The following COPG2 variants were observed in gnomAD, a reference collection of about 807,000 sequenced individuals.
COPG2 encodes the protein coat protein complex I subunit gamma 2, also known as coatomer subunit gamma-2.
COPG2 carries 37 observed loss-of-function variants against 46.3 expected under a neutral mutation model. That is an observed-to-expected ratio of 0.80 (90% CI 0.61 to 1.05). COPG2 has a LOEUF of 1.05. COPG2 is among the 50% of genes least tolerant of loss of function. The pLI, the probability that COPG2 is intolerant of heterozygous loss-of-function variation, is 0.00. For synonymous variants in COPG2, 159 were observed against 129.7 expected (o/e 1.23, Z -1.53); for missense variants, 427 against 387.8 (o/e 1.10, Z -0.85).
chr7:130,655,468 T>A (rs1474148105), intron 4 of COPG2, among the ~76,000 whole-genome samples: 2 of 152,220 alleles, frequency 1.3e-5, no homozygotes, highest in African/African-American at 2.4e-5. Context: ...TCCTTAGCTT[T>A]GAGTAGTTTC....
At chr7:130,641,175 C>CAAAAAAAAAAAAAAA (rs34617870) in intron 5 of COPG2, among the ~76,000 whole-genome samples, 1 of 87,952 alleles carries the variant, frequency 1.1e-5, no homozygotes, top group Non-Finnish European at 2.0e-5. Flanking sequence ...CCCTACCTCT[C>CAAAAAAAAAAAAAAA]AAAAAAAAAA....
chr7:130,651,341 G>T (rs1425211028), intron 5 of COPG2, among the ~76,000 whole-genome samples: 12 of 150,060 alleles, frequency 8.0e-5, no homozygotes, highest in African/African-American at 2.7e-4. Flanking sequence ...TTCTGAGACT[G>T]AGTCTCGCTC....
At chr7:130,640,158 CTTTTTTTT>C (rs11431866) in intron 5 of COPG2, among the ~76,000 whole-genome samples, 3 of 96,454 alleles carry the variant, frequency 3.1e-5, no homozygotes, top group African/African-American at 7.2e-5. Flanking sequence ...CACCACCAAC[CTTTTTTTT>C]TTTTTTTTTT....
intron 20 of COPG2, among the ~76,000 whole-genome samples, chr7:130,528,884 G>A (rs1299809083): frequency 6.6e-6 from 1 of 151,974 alleles, no homozygotes; most frequent in African/African-American, 2.4e-5. Flanking sequence ...TACCCCAGAT[G>A]GGGCAAAGTG....
intron 9 of COPG2, among the ~76,000 whole-genome samples, chr7:130,598,446 C>A (rs781905277): frequency 1.6e-4 from 25 of 152,122 alleles, no homozygotes; most frequent in Non-Finnish European, 3.2e-4. Context: ...ATTATCAGGT[C>A]TCTCCATCTA....
At chr7:130,543,095 A>T (rs1793370314) in intron 20 of COPG2, among the ~76,000 whole-genome samples, 1 of 152,256 alleles carries the variant, frequency 6.6e-6, no homozygotes, top group South Asian at 2.1e-4. Flanking sequence ...CTGATATGGA[A>T]GGCAGTGTTG....
At chr7:130,514,797 T>C (rs1259173511) in intron 20 of COPG2, among the ~76,000 whole-genome samples, 1 of 152,144 alleles carries the variant, frequency 6.6e-6, no homozygotes, top group Non-Finnish European at 1.5e-5. Flanking sequence ...ATAAACTAGA[T>C]AATGATTCTG....
At chr7:130,641,608 G>C (rs1795490585) in intron 5 of COPG2, among the ~76,000 whole-genome samples, 1 of 152,154 alleles carries the variant, frequency 6.6e-6, no homozygotes, top group Non-Finnish European at 1.5e-5. Flanking sequence ...AATTAACTAA[G>C]TAAGAAGTTA....
At position 130,610,945 on chromosome 7, in the gene COPG2, A is replaced by T. The variant is rs781945231; in HGVS notation, c.737+8T>A. The T allele has an allele frequency of 1.2e-6, 2 of 1,613,800 alleles. No individual in the cohort carries two copies. The highest frequency in any genetic ancestry group is 2.7e-5 in the African/African-American group (2 of 75,060). ...GAAAATAACCCAGGTTTAGGTGAAG[A>T]CACTTACCCATCCTCAGTTTCTTTT... is the stretch of plus-strand genomic sequence containing the variant. On this transcript the variant is annotated splice_region_variant and intron_variant, in intron 9 of 23. Coordinates refer to ENST00000425248, the MANE Select transcript of COPG2 (RefSeq NM_012133.6).
chr7:130,543,663 C>T (rs1793380393), intron 20 of COPG2, among the ~76,000 whole-genome samples: 3 of 152,140 alleles, frequency 2.0e-5, no homozygotes, highest in Admixed American at 2.0e-4. Context: ...CATTGTGAAT[C>T]AATTTCAAGG....
chr7:130,576,833 G>C (rs1554446291), intron 9 of COPG2, among the ~76,000 whole-genome samples: 1 of 151,978 alleles, frequency 6.6e-6, no homozygotes, highest in Non-Finnish European at 1.5e-5. Context: ...CAAAAAGCTG[G>C]TTCTTCAAAA....
At chr7:130,661,664 T>A (rs782706411) in intron 4 of COPG2, among the ~76,000 whole-genome samples, 1 of 152,342 alleles carries the variant, frequency 6.6e-6, no homozygotes, top group Non-Finnish European at 1.5e-5. Flanking sequence ...AAAATCATCA[T>A]CTGCAGACAA....
chr7:130,621,551 G>A (rs1795038293), intron 5 of COPG2, among the ~76,000 whole-genome samples: 2 of 152,176 alleles, frequency 1.3e-5, no homozygotes, highest in South Asian at 4.1e-4. Flanking sequence ...GCTCACGCCT[G>A]TAATCCCAGC....
At chr7:130,511,817 T>C (rs782381554) in intron 20 of COPG2, 7 of 519,590 alleles carry the variant, frequency 1.3e-5, no homozygotes, top group South Asian at 9.8e-5. Flanking sequence ...GAGCAAGGAA[T>C]TCAGTAGGAG....
intron 20 of COPG2, among the ~76,000 whole-genome samples, chr7:130,536,612 G>A (rs1341316790): frequency 2.6e-5 from 4 of 152,204 alleles, no homozygotes; most frequent in African/African-American, 9.6e-5. Context: ...ATGGAGAGCC[G>A]GACAGACATG....
At chr7:130,519,095 T>C (rs1039213691) in intron 20 of COPG2, among the ~76,000 whole-genome samples, 3 of 150,564 alleles carry the variant, frequency 2.0e-5, no homozygotes, top group Non-Finnish European at 4.4e-5. Context: ...TAGATTTAGG[T>C]TGGGGTGCTG....
chr7:130,552,229 CT>C (rs1328814230), intron 15 of COPG2, 125 bp downstream of exon 15: 3 of 392,894 alleles, frequency 7.6e-6, no homozygotes, highest in African/African-American at 6.2e-5. Context: ...CCATTTGCCC[CT>C]GACTTGCTCC....
chr7:130,567,720 T>G (rs1375832193), intron 9 of COPG2, among the ~76,000 whole-genome samples: 1 of 152,118 alleles, frequency 6.6e-6, no homozygotes, highest in Non-Finnish European at 1.5e-5. Context: ...CTAAGCTTCA[T>G]AAATGAAGGA....
intron 9 of COPG2, chr7:130,608,275 A>G (rs1794775821): frequency 2.3e-6 from 1 of 429,044 alleles, no homozygotes; most frequent in Non-Finnish European, 4.6e-6. Context: ...CTATTTTCAT[A>G]TATTTCACTT....
Sources: allele counts gnomAD v4.1 joint callset (sites outside exome capture counted in the v4.1 genomes callset), GRCh38; gene constraint gnomAD v4.1.1; transcripts MANE v1.5; gene names NCBI Gene and HGNC (gene_info 2026-07-23, HGNC 2026-07-21).